The following FSD1L variants were observed in gnomAD, a reference collection of about 807,000 sequenced individuals.
The protein encoded by FSD1L is fibronectin type III and SPRY domain containing 1 like.
A neutral mutation model predicts 71.6 loss-of-function variants in FSD1L; 45 were observed. That is an observed-to-expected ratio of 0.63 (90% confidence interval 0.49 to 0.81). The LOEUF is 0.81. FSD1L is among the 30% of genes least tolerant of loss of function. The pLI is 0.00. For missense variants in FSD1L, 561 were observed against 618.1 expected, an observed-to-expected ratio of 0.91 and a Z score of 0.98; for synonymous variants, 197 against 207.2, an observed-to-expected ratio of 0.95 and a Z score of 0.42.
intron 3 of FSD1L, among the ~76,000 whole-genome samples, chr9:105,464,973 G>T (rs970200257): frequency 6.6e-6 from 1 of 152,074 alleles, no homozygotes; most frequent in African/African-American, 2.4e-5. Flanking sequence ...GAACGAGACT[G>T]CATCTCAAAA....
At chr9:105,526,452 C>G in intron 10 of FSD1L, 1 of 1,612,684 alleles carries the variant, frequency 6.2e-7, no homozygotes, top group Non-Finnish European at 8.5e-7. Flanking sequence ...GACCTGGCCT[C>G]TCCAATGTCT....
At chr9:105,442,585 G>A in the FSD1L span, among the ~76,000 whole-genome samples, 1 of 152,062 alleles carries the variant, frequency 6.6e-6, no homozygotes, top group Non-Finnish European at 1.5e-5. Context: ...CTACTCGGCA[G>A]GCTGAGGTGC....
chr9:105,536,108 C>G (rs570813329), intron 12 of FSD1L, among the ~76,000 whole-genome samples: 2 of 152,352 alleles, frequency 1.3e-5, no homozygotes, highest in Admixed American at 6.5e-5. Context: ...TACACTATCT[C>G]TGCAGGTAGT....
At chr9:105,474,358 C>T (rs1831660221) in intron 5 of FSD1L, among the ~76,000 whole-genome samples, 1 of 152,186 alleles carries the variant, frequency 6.6e-6, no homozygotes, top group Admixed American at 6.5e-5. Context: ...TTATGTGGCA[C>T]ATTACTGTAT....
chr9:105,446,794 G>C (rs1829662554), upstream of FSD1L, among the ~76,000 whole-genome samples: 1 of 133,800 alleles, frequency 7.5e-6, no homozygotes, highest in South Asian at 2.3e-4. Context: ...ACTGAATTTT[G>C]TTTGTAGAAC....
intron 13 of FSD1L, among the ~76,000 whole-genome samples, chr9:105,544,788 C>G (rs1160139159): frequency 6.6e-6 from 1 of 152,040 alleles, no homozygotes; most frequent in Non-Finnish European, 1.5e-5. Flanking sequence ...TGGTCTATAT[C>G]TCTGTTTTGG....
chr9:105,500,042 A>G (rs1253209111), intron 7 of FSD1L, among the ~76,000 whole-genome samples: 1 of 152,184 alleles, frequency 6.6e-6, no homozygotes, highest in Non-Finnish European at 1.5e-5. Context: ...TAGAATTTCT[A>G]GCGCTCCACT....
At chr9:105,452,652 TGCCTGCCTGCCTGCCTG>T (rs1830087019) in intron 1 of FSD1L, among the ~76,000 whole-genome samples, 1 of 128,642 alleles carries the variant, frequency 7.8e-6, no homozygotes. Flanking sequence ...CCTGCCTGCC[TGCCTGCCTGCCTGCCTG>T]CCTTCCTTCC....
chr9:105,518,574 C>T (rs1231014176), intron 10 of FSD1L, among the ~76,000 whole-genome samples: 1 of 152,010 alleles, frequency 6.6e-6, no homozygotes, highest in Admixed American at 6.6e-5. Flanking sequence ...GGGTAAATAA[C>T]GAAATGAAGG....
intron 10 of FSD1L, among the ~76,000 whole-genome samples, chr9:105,514,384 GTTATATGCAT>G (rs898367057): frequency 1.3e-5 from 2 of 152,134 alleles, no homozygotes; most frequent in Non-Finnish European, 2.9e-5. Context: ...CTTGTCGAAT[GTTATATGCAT>G]TTATATATTC....
At chr9:105,523,737 G>A in intron 10 of FSD1L, 1 of 1,595,848 alleles carries the variant, frequency 6.3e-7, no homozygotes, top group South Asian at 1.1e-5. Flanking sequence ...AAGACAAGAT[G>A]TTTCTCCAAA....
chr9:105,460,653 G>C (rs550983633), intron 1 of FSD1L, among the ~76,000 whole-genome samples: 7 of 151,384 alleles, frequency 4.6e-5, no homozygotes, highest in Non-Finnish European at 8.8e-5. Flanking sequence ...GGAGGTATGC[G>C]ATAGTATCAT....
intron 6 of FSD1L, among the ~76,000 whole-genome samples, chr9:105,481,098 A>G (rs1314068698): frequency 2.1e-5 from 3 of 142,560 alleles, no homozygotes; most frequent in Non-Finnish European, 3.0e-5. Context: ...GCTTGATTTC[A>G]TAAGTATCCA....
chr9:105,472,195 G>A (rs1359848636), intron 5 of FSD1L, 190 bp downstream of exon 5: 4 of 598,508 alleles, frequency 6.7e-6, no homozygotes, highest in Non-Finnish European at 1.0e-5. Flanking sequence ...TGTCTTTAGG[G>A]TCATCAACAA....
At position 105,547,332 on chromosome 9, in the gene FSD1L, T is replaced by C. The variant is rs1335122070; in HGVS notation, c.*849T>C. ...TCCCACTTGAATGTGACACTGATAA[T>C]AATTATGCTGATTTTTAGCATCTCT... On this transcript the variant is annotated 3_prime_UTR_variant, in exon 14 of 14. Coordinates refer to ENST00000481272, the MANE Select transcript of FSD1L (RefSeq NM_001145313.3). 1 of 152,480 alleles carries C rather than the reference T, an allele frequency of 6.6e-6. No individual in the cohort carries two copies. The highest frequency in any genetic ancestry group is 2.4e-5 in the African/African-American group (1 of 41,442). 9.4% of individuals were successfully genotyped at this position (152,480 alleles called of 1,614,324 possible).
At chr9:105,504,705 T>G (rs545675247) in intron 7 of FSD1L, among the ~76,000 whole-genome samples, 1 of 152,230 alleles carries the variant, frequency 6.6e-6, no homozygotes, top group Non-Finnish European at 1.5e-5. Context: ...ATACTTTAAG[T>G]CATCTCTAGA....
intron 7 of FSD1L, among the ~76,000 whole-genome samples, chr9:105,502,911 G>C (rs1458334577): frequency 1.4e-5 from 2 of 148,066 alleles, no homozygotes; most frequent in African/African-American, 5.0e-5. Context: ...TTGAGACAAG[G>C]TCTTGCTGTG....
intron 10 of FSD1L, among the ~76,000 whole-genome samples, chr9:105,527,179 A>G (rs1215908314): frequency 1.4e-5 from 2 of 144,104 alleles, no homozygotes; most frequent in Non-Finnish European, 3.0e-5. Flanking sequence ...CTGAACTTTT[A>G]TGTTTAGCTT....
intron 1 of FSD1L, among the ~76,000 whole-genome samples, chr9:105,451,629 G>A (rs955654096): frequency 2.6e-5 from 4 of 152,184 alleles, no homozygotes; most frequent in Non-Finnish European, 4.4e-5. Context: ...GAGGGATTTT[G>A]TTTATATCGA....
Sources: allele counts gnomAD v4.1 joint callset (sites outside exome capture counted in the v4.1 genomes callset), GRCh38; gene constraint gnomAD v4.1.1; transcripts MANE v1.5; gene names NCBI Gene and HGNC (gene_info 2026-07-23, HGNC 2026-07-21).